The following SCFD2 variants were observed in gnomAD, a reference collection of about 807,000 sequenced individuals.
The protein encoded by SCFD2 is sec1 family domain containing 2.
In SCFD2, 54 loss-of-function variants were observed where a neutral mutation model predicts 58.9. That is an observed-to-expected ratio of 0.92 (90% CI 0.74 to 1.15). The LOEUF is 1.15. SCFD2 is among the 50% of genes most tolerant of loss of function. The pLI is 0.00. For missense variants in SCFD2, 805 were observed against 836.6 expected (o/e 0.96, Z 0.47); for synonymous variants, 321 against 335.9 (o/e 0.96, Z 0.49).
intron 4 of SCFD2, among the ~76,000 whole-genome samples, chr4:53,254,835 ATTTTATTTT>A (rs1560414498): frequency 7.3e-6 from 1 of 136,658 alleles, no homozygotes; most frequent in Non-Finnish European, 1.5e-5. Context: ...ATTTTATTTT[ATTTTATTTT>A]ATTTTATTTT....
intron 4 of SCFD2, among the ~76,000 whole-genome samples, chr4:53,208,808 G>A (rs1360824498): frequency 6.6e-6 from 1 of 152,174 alleles, no homozygotes; most frequent in Non-Finnish European, 1.5e-5. Flanking sequence ...AACTAAGTGA[G>A]CAATGTTACT....
chr4:53,073,756 T>C (rs749038534), intron 5 of SCFD2, among the ~76,000 whole-genome samples: 3 of 152,198 alleles, frequency 2.0e-5, no homozygotes, highest in Admixed American at 6.5e-5. Context: ...ATATAAAAGT[T>C]ATATTCATAG....
intron 3 of SCFD2, among the ~76,000 whole-genome samples, chr4:53,303,093 A>T (rs1432534096): frequency 5.9e-5 from 9 of 152,156 alleles, no homozygotes; most frequent in Non-Finnish European, 8.8e-5. Flanking sequence ...AAGCCAAAAT[A>T]GACAAATGGA....
At chr4:53,300,640 A>G (rs1481994269) in intron 3 of SCFD2, among the ~76,000 whole-genome samples, 1 of 152,224 alleles carries the variant, frequency 6.6e-6, no homozygotes, top group African/African-American at 2.4e-5. Flanking sequence ...AATCAACAGA[A>G]TATACATTCT....
chr4:53,248,028 G>A (rs539764427), intron 4 of SCFD2, among the ~76,000 whole-genome samples: 2 of 152,210 alleles, frequency 1.3e-5, no homozygotes, highest in Non-Finnish European at 1.5e-5. Flanking sequence ...CATCTCACTA[G>A]GGAGTGCCAG....
At chr4:53,203,063 G>C (rs529306569) in intron 4 of SCFD2, among the ~76,000 whole-genome samples, 1 of 152,120 alleles carries the variant, frequency 6.6e-6, no homozygotes, top group Non-Finnish European at 1.5e-5. Context: ...CCAACACTAC[G>C]TTGAATAGGA....
chr4:53,212,330 TG>T (rs1728639220), intron 4 of SCFD2, among the ~76,000 whole-genome samples: 1 of 151,988 alleles, frequency 6.6e-6, no homozygotes. Flanking sequence ...TTTAGCTTAG[TG>T]TAACTCTCAG....
chr4:53,182,142 G>GA (rs1336203706), intron 4 of SCFD2, among the ~76,000 whole-genome samples: 1 of 152,022 alleles, frequency 6.6e-6, no homozygotes, highest in Non-Finnish European at 1.5e-5. Flanking sequence ...CACAGAATTG[G>GA]AAAAAACTAC....
chr4:53,236,451 G>GATATATATATATAT (rs146595901), intron 4 of SCFD2, among the ~76,000 whole-genome samples: 2,817 of 144,450 alleles, frequency 0.02, 41 homozygotes, highest in African/African-American at 0.04. Context: ...CATATATAAG[G>GATATATATATATAT]ATATATATAT....
chr4:52,896,009 G>A (rs1383714908), intron 7 of SCFD2, among the ~76,000 whole-genome samples: 1 of 151,938 alleles, frequency 6.6e-6, no homozygotes, highest in Admixed American at 6.6e-5. Context: ...TGATGGGGTT[G>A]TTTGTTTTTT....
chr4:52,915,907 G>C (rs775387072), intron 6 of SCFD2, among the ~76,000 whole-genome samples: 53 of 152,228 alleles, frequency 3.5e-4, no homozygotes, highest in Non-Finnish European at 6.6e-4. Flanking sequence ...TGACAAAAGA[G>C]GCCAGGCCTA....
intron 4 of SCFD2, among the ~76,000 whole-genome samples, chr4:53,171,743 G>A (rs1727183232): frequency 6.6e-6 from 1 of 151,982 alleles, no homozygotes; most frequent in African/African-American, 2.4e-5. Flanking sequence ...GTCTAGGAAT[G>A]TATCAGTTTC....
chr4:52,977,558 G>T (rs1387020472), intron 5 of SCFD2, among the ~76,000 whole-genome samples: 1 of 152,062 alleles, frequency 6.6e-6, no homozygotes, highest in East Asian at 1.9e-4. Context: ...CAGGCATCTG[G>T]CAAGGAATGA....
chr4:53,237,765 G>A (rs1234265080), intron 4 of SCFD2, among the ~76,000 whole-genome samples: 14 of 94,056 alleles, frequency 1.5e-4, no homozygotes, highest in South Asian at 8.8e-4. Context: ...CTGGCCGGGC[G>A]GGGGGCTGAC....
intron 4 of SCFD2, among the ~76,000 whole-genome samples, chr4:53,230,209 T>A (rs568520437): frequency 2.0e-3 from 305 of 152,302 alleles, no homozygotes; most frequent in African/African-American, 7.0e-3. Context: ...TGGAAGTCAG[T>A]GTGGCGATTC....
chr4:52,969,401 A>G (rs532410288), intron 5 of SCFD2, among the ~76,000 whole-genome samples: 4 of 152,326 alleles, frequency 2.6e-5, no homozygotes, highest in East Asian at 1.9e-4. Flanking sequence ...TTGGTAGGAA[A>G]ATGGTTTAGG....
At chr4:52,932,017 C>T (rs553959493) in intron 5 of SCFD2, among the ~76,000 whole-genome samples, 35 of 152,296 alleles carry the variant, frequency 2.3e-4, no homozygotes, top group African/African-American at 8.4e-4. Context: ...AGGTGCAGGC[C>T]AAGAAGGAAG....
At chr4:53,106,918 T>C (rs1463332678) in intron 5 of SCFD2, among the ~76,000 whole-genome samples, 1 of 152,092 alleles carries the variant, frequency 6.6e-6, no homozygotes. Context: ...CCAAGACATG[T>C]AATCATCAGA....
At chr4:53,031,508 A>G (rs1283642083) in intron 5 of SCFD2, among the ~76,000 whole-genome samples, 1 of 152,210 alleles carries the variant, frequency 6.6e-6, no homozygotes, top group Non-Finnish European at 1.5e-5. Flanking sequence ...TTCTAACCCA[A>G]TGTAAGGAAG....
Sources: gnomAD v4.1 joint callset for allele counts (sites outside exome capture counted in the v4.1 genomes callset) on GRCh38, gnomAD v4.1.1 for gene constraint, MANE v1.5 for transcripts, NCBI Gene and HGNC (gene_info 2026-07-23, HGNC 2026-07-21) for gene names.